The following GADL1 variants were observed in gnomAD, a reference collection of about 807,000 sequenced individuals.
The protein encoded by GADL1 is acidic amino acid decarboxylase GADL1.
Under a neutral mutation model 69.5 loss-of-function variants are expected in GADL1, and 71 were observed. The ratio of observed to expected loss-of-function variants is 1.02; its 90% CI spans 0.84 to 1.25. GADL1 has a LOEUF of 1.25. GADL1 is among the 50% of genes most tolerant of loss of function. The pLI is 0.00. For missense variants in GADL1, 737 were observed against 631.8 expected (o/e 1.17, Z -1.79); for synonymous variants, 254 against 214.4 (o/e 1.18, Z -1.62).
rs142314887 is a variant in GADL1, at chr3:30,884,159, C to T, written c.37+10419G>A. Among the ~76,000 whole-genome samples the T allele has an allele frequency of 2.3e-3, 347 of 151,936 alleles. 2 individuals are homozygous for T. Among genetic ancestry groups the T allele is most frequent in the African/African-American group, 7.3e-3 (304 of 41,432 alleles). ...TGTGAGGACAACACTTTCTACGGTC[C>T]GTCTCTAACTTGAAAAGCAACAGCC... On this transcript the variant is annotated intron_variant, in intron 1 of 14. Coordinates refer to ENST00000282538, the MANE Select transcript of GADL1 (RefSeq NM_207359.3).
chr3:30,801,268 G>A (rs565610687), intron 11 of GADL1, among the ~76,000 whole-genome samples, 180 bp from the exon 12 acceptor site: 1 of 152,020 alleles, frequency 6.6e-6, no homozygotes, highest in Non-Finnish European at 1.5e-5. Flanking sequence ...ATTACCCATG[G>A]TGTTACCAAA....
chr3:30,894,444 T>C (rs924140632), intron 1 of GADL1, 134 bp downstream of exon 1: 24 of 602,342 alleles, frequency 4.0e-5, no homozygotes, highest in Non-Finnish European at 5.7e-5. Flanking sequence ...TCCATGAAGA[T>C]GGGGACTTTC....
chr3:30,786,463 A>G (rs959139472), intron 12 of GADL1, 57 bp from the exon 13 acceptor site: 7 of 866,614 alleles, frequency 8.1e-6, no homozygotes, highest in Admixed American at 1.8e-5. Context: ...TGTCATGAAC[A>G]TGACTGATAT....
intron 1 of GADL1, among the ~76,000 whole-genome samples, chr3:30,877,320 A>G (rs147868226): frequency 6.6e-6 from 1 of 152,068 alleles, no homozygotes; most frequent in East Asian, 1.9e-4. Context: ...TGCTAAGCTG[A>G]CATATTGTAT....
chr3:30,881,519 A>T (rs1308197037), intron 1 of GADL1, among the ~76,000 whole-genome samples: 1 of 151,240 alleles, frequency 6.6e-6, no homozygotes, highest in Non-Finnish European at 1.5e-5. Flanking sequence ...AAGGAAGAAA[A>T]TATCACTGAC....
intron 11 of GADL1, among the ~76,000 whole-genome samples, chr3:30,819,016 G>C (rs1056512304): frequency 6.6e-6 from 1 of 152,022 alleles, no homozygotes; most frequent in Non-Finnish European, 1.5e-5. Context: ...AGGAACACAG[G>C]GGGCTATCCC....
At chr3:30,875,237 C>G (rs1344583789) in intron 1 of GADL1, among the ~76,000 whole-genome samples, 1 of 151,492 alleles carries the variant, frequency 6.6e-6, no homozygotes, top group African/African-American at 2.4e-5. Flanking sequence ...AAGCTCACCT[C>G]TTGATGACAG....
At chr3:30,823,457 C>T (rs532949120) in intron 11 of GADL1, among the ~76,000 whole-genome samples, 5 of 151,850 alleles carry the variant, frequency 3.3e-5, no homozygotes, top group Admixed American at 3.3e-4. Context: ...CAGGCTATAC[C>T]CTGAAGATCC....
intron 11 of GADL1, among the ~76,000 whole-genome samples, chr3:30,812,605 T>C (rs1296431655): frequency 6.6e-6 from 1 of 152,180 alleles, no homozygotes; most frequent in Non-Finnish European, 1.5e-5. Context: ...TTGTGGGAGC[T>C]ACAATTCAAA....
intron 11 of GADL1, among the ~76,000 whole-genome samples, chr3:30,823,557 C>G (rs530301913): frequency 6.6e-6 from 1 of 151,924 alleles, no homozygotes; most frequent in Non-Finnish European, 1.5e-5. Context: ...TAAGAAAGAT[C>G]AATTCAGGTC....
At chr3:30,839,856 G>A (rs1038485617) in intron 8 of GADL1, among the ~76,000 whole-genome samples, 2 of 150,146 alleles carry the variant, frequency 1.3e-5, no homozygotes, top group Admixed American at 1.3e-4. Flanking sequence ...ACAAACAGAT[G>A]AATGGTTATC....
chr3:30,834,307 ACAATGTTATTT>A lies in GADL1; in HGVS notation c.904-37_904-27del, dbSNP rs747667377. ...CTGTTGAGATATTTACAGTACCAGA[ACAATGTTATTT>A]CAATGTTATTTGTTTACCAGTGGGT... is the stretch of plus-strand genomic sequence containing the variant. On this transcript the variant is annotated intron_variant, in intron 9 of 14. Coordinates refer to ENST00000282538, the MANE Select transcript of GADL1 (RefSeq NM_207359.3). 5 of 1,592,446 alleles carry A rather than the reference ACAATGTTATTT, an allele frequency of 3.1e-6. No homozygotes were observed. The South Asian group carries it at 5.5e-5, about 18-fold the overall frequency.
chr3:30,810,629 C>G (rs1172150076), intron 11 of GADL1, among the ~76,000 whole-genome samples: 1 of 152,108 alleles, frequency 6.6e-6, no homozygotes, highest in Admixed American at 6.6e-5. Flanking sequence ...TCCTACAGCC[C>G]TGTGTCCAGC....
At chr3:30,751,912 C>T (rs1695829857) in intron 14 of GADL1, among the ~76,000 whole-genome samples, 1 of 152,180 alleles carries the variant, frequency 6.6e-6, no homozygotes, top group South Asian at 2.1e-4. Context: ...TTGTTTCTCT[C>T]CCCAATATCC....
intron 12 of GADL1, among the ~76,000 whole-genome samples, chr3:30,789,846 G>C (rs990151849): frequency 1.3e-5 from 2 of 152,204 alleles, no homozygotes; most frequent in Non-Finnish European, 2.9e-5. Flanking sequence ...GAGAAAGTTA[G>C]GGTCTTGCTC....
intron 14 of GADL1, among the ~76,000 whole-genome samples, chr3:30,732,749 T>A (rs1017842041): frequency 1.3e-5 from 2 of 152,184 alleles, no homozygotes; most frequent in African/African-American, 4.8e-5. Flanking sequence ...ACAAGAACAG[T>A]TTTTCAAAAT....
At chr3:30,799,428 T>G (rs375875295) in intron 12 of GADL1, 16 of 152,362 alleles carry the variant, frequency 1.1e-4, no homozygotes, top group African/African-American at 3.8e-4. Flanking sequence ...GCAGCTGGGA[T>G]GCAGGGCACC....
intron 13 of GADL1, among the ~76,000 whole-genome samples, chr3:30,783,395 T>TCAATCA: frequency 6.6e-6 from 1 of 152,216 alleles, no homozygotes; most frequent in African/African-American, 2.4e-5. Context: ...AATAATACAT[T>TCAATCA]TCTTGAAGAT....
At chr3:30,735,880 T>C (rs568769924) in intron 14 of GADL1, among the ~76,000 whole-genome samples, 3 of 152,092 alleles carry the variant, frequency 2.0e-5, no homozygotes, top group Non-Finnish European at 4.4e-5. Context: ...CTACCACACA[T>C]CAGATTGAAC....
Sources: allele counts gnomAD v4.1 joint callset (sites outside exome capture counted in the v4.1 genomes callset), GRCh38; gene constraint gnomAD v4.1.1; transcripts MANE v1.5; gene names NCBI Gene and HGNC (gene_info 2026-07-23, HGNC 2026-07-21).